Variants in EXPH5 observed in about 807,000 individuals in gnomAD.
EXPH5 encodes the protein exophilin 5, also known as exophilin-5.
In EXPH5, 42 loss-of-function variants were observed where a neutral mutation model predicts 41.1. The ratio of observed to expected loss-of-function variants is 1.02; its 90% CI spans 0.80 to 1.32. The LOEUF is 1.32. Ranked by LOEUF, EXPH5 falls within the 40% of genes most tolerant of loss-of-function variation. The pLI is 0.00. For synonymous variants in EXPH5, 798 were observed against 833.5 expected, an observed-to-expected ratio of 0.96 and a Z score of 0.73; for missense variants, 2,298 against 2,314.5, an observed-to-expected ratio of 0.99 and a Z score of 0.15.
At chr11:108,594,129 G>T (rs144108312), upstream of EXPH5, among the ~76,000 whole-genome samples, 304 of 152,236 alleles carry the variant, frequency 2.0e-3, 1 homozygote, top group African/African-American at 6.8e-3. Context: ...ACTGGCAAAA[G>T]GGTTACTTAT....
At chr11:108,524,256 T>C (rs1371779310) in intron 4 of EXPH5, among the ~76,000 whole-genome samples, 1 of 152,234 alleles carries the variant, frequency 6.6e-6, no homozygotes. Flanking sequence ...GTTTCTTTCT[T>C]GGTAAAAGGA....
chr11:108,533,949 C>A (rs1455566097), intron 3 of EXPH5, among the ~76,000 whole-genome samples: 1 of 152,132 alleles, frequency 6.6e-6, no homozygotes, highest in African/African-American at 2.4e-5. Flanking sequence ...TGTGTACCAC[C>A]ATGCCTGGCT....
Position 108,512,037 on chromosome 11 carries a change from C to G in EXPH5, c.3470G>C (p.Trp1157Ser). ...TTCCACAGGGCTAATGATTCTCTCCCAAGCCCTTGGTGTTAGCTCAGAAGC... is the reference window on the plus strand; with the variant it reads ...TTCCACAGGGCTAATGATTCTCTCCGAAGCCCTTGGTGTTAGCTCAGAAGC... ...MDASELTPRA[W>S]ERIISPVESD... Residue 1157 changes from tryptophan to serine, a missense_variant, in exon 6 of 6, where the codon TGG (tryptophan) becomes TCG (serine). Coordinates refer to ENST00000265843, the MANE Select transcript of EXPH5 (RefSeq NM_015065.3). The G allele has an allele frequency of 4.4e-6, 7 of 1,597,098 alleles. No individual in the cohort carries two copies. Among genetic ancestry groups the G allele is most frequent in the Non-Finnish European group, 5.1e-6 (6 of 1,174,280 alleles).
At chr11:108,515,064 A>G (rs2093715571) in intron 5 of EXPH5, among the ~76,000 whole-genome samples, 189 bp from the exon 6 acceptor site, 1 of 152,172 alleles carries the variant, frequency 6.6e-6, no homozygotes, top group South Asian at 2.1e-4. Context: ...TATAGTGAAA[A>G]TTTCTTTCCT....
At position 108,593,732 on chromosome 11, in the gene EXPH5, A is replaced by C. The variant is rs1248908090; in HGVS notation, c.-196T>G. 14 of 1,537,090 alleles carry C rather than the reference A, an allele frequency of 9.1e-6. No individual in the cohort carries two copies. The highest frequency in any genetic ancestry group is 1.7e-4 in the Middle Eastern group (1 of 6,012). On this transcript the variant is annotated 5_prime_UTR_variant, in exon 1 of 6. The change abolishes an upstream ATG in the 5' untranslated region. Transcript: ENST00000265843. ...CTCATATTGACAATACCTTAATGAC[A>C]TGTTTCTCTCAACCTGTCCAACCGA...
upstream of EXPH5, among the ~76,000 whole-genome samples, chr11:108,595,992 G>C (rs900153954): frequency 3.9e-5 from 6 of 152,176 alleles, 1 homozygote; most frequent in African/African-American, 1.4e-4. Flanking sequence ...ACGAGGTCAG[G>C]AGATTGAGAC....
Position 108,512,284 on chromosome 11 carries a change from G to A in EXPH5, c.3223C>T (p.Pro1075Ser), listed in dbSNP as rs776063198. ...TTGGAACATTCATTCGCTGACTCAG[G>A]AGAACTGGGACTAAATTTGTTTAAC... ...YMLNKFSPSS[P>S]ESANECSKVL... Residue 1075 changes from proline to serine, a missense_variant, in exon 6 of 6, where the codon CCT becomes TCT. Transcript: ENST00000265843. 1.1e-5 allele frequency: 17 copies of A among 1,613,556 alleles called. No homozygotes were observed. Among genetic ancestry groups the A allele is most frequent in the Non-Finnish European group, 1.4e-5 (16 of 1,179,854 alleles).
chr11:108,509,442 C>A lies in EXPH5; in HGVS notation c.*95G>T. On this transcript the variant is annotated 3_prime_UTR_variant, in exon 6 of 6. Coordinates refer to ENST00000265843, the MANE Select transcript of EXPH5 (RefSeq NM_015065.3). ...CATTTCAGAGCAGACACTGCCCAGA[C>A]TAGATCTTTTATCCTTCCATGCACA... The A allele has an allele frequency of 8.1e-7, 1 of 1,231,294 alleles. No individual in the cohort carries two copies. 76.3% of individuals were successfully genotyped at this position (1,231,294 alleles called of 1,614,324 possible). A position where few individuals can be genotyped will look rare whatever the true frequency, so the allele number is the denominator to read the frequency against.
intron 3 of EXPH5, among the ~76,000 whole-genome samples, chr11:108,528,742 G>A (rs1234854639): frequency 4.2e-5 from 5 of 118,976 alleles, no homozygotes; most frequent in South Asian, 2.6e-4. Context: ...GCTCTTTGTC[G>A]CCCAGGCTGG....
chr11:108,585,507 A>T (rs745501928), intron 1 of EXPH5, among the ~76,000 whole-genome samples: 62 of 152,192 alleles, frequency 4.1e-4, no homozygotes, highest in Non-Finnish European at 7.9e-4. Context: ...GGGGGACTTC[A>T]CCAAACACAG....
intron 1 of EXPH5, among the ~76,000 whole-genome samples, chr11:108,576,151 A>T (rs1156568216): frequency 6.6e-6 from 1 of 152,200 alleles, no homozygotes; most frequent in African/African-American, 2.4e-5. Context: ...ATTATTCACA[A>T]TAGCCAAAAT....
At position 108,593,714 on chromosome 11, in the gene EXPH5, T is replaced by G; in HGVS notation, c.-178A>C. ...ACGCCCACACCTGAAGGGCTCATAT[T>G]GACAATACCTTAATGACATGTTTCT... On this transcript the variant is annotated 5_prime_UTR_variant, in exon 1 of 6. Transcript: ENST00000265843. 1.3e-6 allele frequency: 2 copies of G among 1,540,272 alleles called. No individual in the cohort carries two copies. Among genetic ancestry groups the G allele is most frequent in the Non-Finnish European group, 1.7e-6 (2 of 1,147,556 alleles).
At chr11:108,525,672 T>C (rs1475497202) in intron 4 of EXPH5, among the ~76,000 whole-genome samples, 1 of 152,128 alleles carries the variant, frequency 6.6e-6, no homozygotes, top group Non-Finnish European at 1.5e-5. Context: ...GTACCATTCC[T>C]GCCTGGCTGC....
upstream of EXPH5, among the ~76,000 whole-genome samples, chr11:108,596,213 G>C (rs1733543110): frequency 6.6e-6 from 1 of 152,114 alleles, no homozygotes; most frequent in Admixed American, 6.5e-5. Flanking sequence ...ATTGAACTTT[G>C]GGTAGATTAC....
chr11:108,606,168 G>T, the EXPH5 span, among the ~76,000 whole-genome samples: 1 of 152,080 alleles, frequency 6.6e-6, no homozygotes, highest in Non-Finnish European at 1.5e-5. Flanking sequence ...CACTGGAACT[G>T]CAGGTGTGAG....
At chr11:108,554,848 C>T (rs193150500) in intron 1 of EXPH5, among the ~76,000 whole-genome samples, 1 of 152,296 alleles carries the variant, frequency 6.6e-6, no homozygotes, top group Non-Finnish European at 1.5e-5. Flanking sequence ...CACTTGAAGC[C>T]AACAGGCAGA....
At position 108,507,645 on chromosome 11, in the gene EXPH5, A is replaced by G. The variant is rs979123031; in HGVS notation, c.*1892T>C. ...AAGCCAAAATATCAGTGGGTATCAT[A>G]AGTGATTTACTCTAGATAAATCACT... On this transcript the variant is annotated 3_prime_UTR_variant, in exon 6 of 6. Coordinates refer to ENST00000265843, the MANE Select transcript of EXPH5 (RefSeq NM_015065.3). The G allele has an allele frequency of 6.6e-6, 1 of 152,142 alleles. No homozygotes were observed. The highest frequency in any genetic ancestry group is 1.5e-5 in the Non-Finnish European group (1 of 68,026). 9.4% of individuals were successfully genotyped at this position (152,142 alleles called of 1,614,324 possible). A position where few individuals can be genotyped will look rare whatever the true frequency, so the allele number is the denominator to read the frequency against.
upstream of EXPH5, chr11:108,593,858 C>A (rs1173887250): frequency 7.4e-6 from 7 of 951,804 alleles, no homozygotes; most frequent in Non-Finnish European, 1.1e-5. Flanking sequence ...CGTCTCGTCC[C>A]GTCCCTCGTC....
chr11:108,526,410 A>G (rs2093799499), intron 4 of EXPH5, among the ~76,000 whole-genome samples: 1 of 152,268 alleles, frequency 6.6e-6, no homozygotes, highest in South Asian at 2.1e-4. Context: ...TCAAATCCCC[A>G]AAACTTCAAA....
Sources: gnomAD v4.1 joint callset for allele counts (sites outside exome capture counted in the v4.1 genomes callset) on GRCh38, gnomAD v4.1.1 for gene constraint, MANE v1.5 for transcripts, NCBI Gene and HGNC (gene_info 2026-07-23, HGNC 2026-07-21) for gene names.